Variants in MANBA observed in about 807,000 individuals in gnomAD.
The protein encoded by MANBA is beta-mannosidase.
In MANBA, 83 loss-of-function variants were observed where a neutral mutation model predicts 111.1. That is an observed-to-expected ratio of 0.75 (90% CI 0.63 to 0.90). The LOEUF is 0.90. MANBA is among the 40% of genes least tolerant of loss of function. MANBA has a pLI of 0.00. For synonymous variants in MANBA, 370 were observed against 378.7 expected (o/e 0.98, Z 0.27); for missense variants, 1,036 against 1,069.0 (o/e 0.97, Z 0.43).
chr4:102,755,276 T>C lies in MANBA; in HGVS notation c.177+5442A>G, dbSNP rs1420729742. ...TGGTACTGGTACCAAAATAGAGATA[T>C]AGACCAATGGAACAGAACAGAGCCC... On this transcript the variant is annotated intron_variant, in intron 1 of 16. Transcript: ENST00000647097. 2.0e-5 allele frequency among the ~76,000 whole-genome samples: 3 copies of C among 152,074 alleles called. 1 individual carries two copies. Among genetic ancestry groups the C allele is most frequent in the Admixed American group, 2.0e-4 (3 of 15,274 alleles).
At chr4:102,740,986 G>T (rs1201597150) in intron 1 of MANBA, among the ~76,000 whole-genome samples, 4 of 152,106 alleles carry the variant, frequency 2.6e-5, no homozygotes, top group Non-Finnish European at 5.9e-5. Flanking sequence ...CACAGAAAAA[G>T]AAATAATCAG....
chr4:102,752,802 G>T (rs1336922593), intron 1 of MANBA, among the ~76,000 whole-genome samples: 1 of 151,956 alleles, frequency 6.6e-6, no homozygotes, highest in African/African-American at 2.4e-5. Flanking sequence ...TTCTTATTTT[G>T]TATTTATAAT....
chr4:102,647,704 G>A (rs1390529972), intron 13 of MANBA, among the ~76,000 whole-genome samples: 1 of 151,992 alleles, frequency 6.6e-6, no homozygotes, highest in African/African-American at 2.4e-5. Flanking sequence ...TTGTGTTCTG[G>A]TAAGTTCATG....
At chr4:102,663,363 A>C (rs1731055816) in intron 11 of MANBA, among the ~76,000 whole-genome samples, 1 of 152,210 alleles carries the variant, frequency 6.6e-6, no homozygotes, top group South Asian at 2.1e-4. Flanking sequence ...AGGATTTCAA[A>C]GCCTGCATAC....
intron 14 of MANBA, 87 bp from the exon 15 acceptor site, chr4:102,636,094 G>C: frequency 2.4e-6 from 3 of 1,236,376 alleles, no homozygotes; most frequent in Non-Finnish European, 3.5e-6. Context: ...GTGGCTCATC[G>C]GGGTTCTAAG....
At chr4:102,665,060 C>G in intron 10 of MANBA, 1 of 561,454 alleles carries the variant, frequency 1.8e-6, no homozygotes, top group Non-Finnish European at 3.2e-6. Flanking sequence ...TTTATAAACA[C>G]TGATACATAG....
At chr4:102,667,682 T>C (rs1313591553) in intron 10 of MANBA, 1 of 152,220 alleles carries the variant, frequency 6.6e-6, no homozygotes, top group East Asian at 1.9e-4. Flanking sequence ...GTGACCTCCC[T>C]AAGGTTGCAG....
intron 7 of MANBA, among the ~76,000 whole-genome samples, chr4:102,685,417 G>A (rs913928993): frequency 3.9e-5 from 6 of 152,084 alleles, no homozygotes; most frequent in Non-Finnish European, 5.9e-5. Context: ...CTTATAGAAA[G>A]AAAATATACT....
chr4:102,728,349 T>C (rs902186414), intron 1 of MANBA: 2 of 532,262 alleles, frequency 3.8e-6, no homozygotes, highest in African/African-American at 3.9e-5. Flanking sequence ...CTGTTCACTC[T>C]CTGCAGGCTT....
intron 1 of MANBA, chr4:102,730,387 G>A (rs1722987938): frequency 2.0e-6 from 1 of 494,770 alleles, no homozygotes; most frequent in Non-Finnish European, 3.7e-6. Context: ...AGTGTAGCAA[G>A]TCGGCAACCT....
chr4:102,650,729 A>G lies in MANBA; in HGVS notation c.1705-28T>C. On this transcript the variant is annotated intron_variant, in intron 12 of 16. Coordinates refer to ENST00000647097, the MANE Select transcript of MANBA (RefSeq NM_005908.4). ...TTCAAATAAAGAATAAGAATTAGAA[A>G]TCTGAAAGTTGGCAGTAAAACTACT... 3 of 1,594,092 alleles carry G rather than the reference A, an allele frequency of 1.9e-6. 1 individual carries two copies. The highest frequency in any genetic ancestry group is 2.6e-6 in the Non-Finnish European group (3 of 1,162,368).
intron 5 of MANBA, among the ~76,000 whole-genome samples, chr4:102,701,679 A>C (rs1236466250): frequency 6.6e-6 from 1 of 151,882 alleles, no homozygotes; most frequent in Non-Finnish European, 1.5e-5. Context: ...AGAATGTTGA[A>C]TATTGGCCCC....
chr4:102,751,422 T>A (rs1723787630), intron 1 of MANBA: 1 of 481,792 alleles, frequency 2.1e-6, no homozygotes, highest in African/African-American at 2.0e-5. Context: ...CCAAACACAT[T>A]TCTACACCGA....
intron 10 of MANBA, chr4:102,665,436 G>C (rs1731174937): frequency 6.5e-6 from 1 of 153,220 alleles, no homozygotes. Context: ...ATACTCTAAA[G>C]GAAAACAGAT....
At chr4:102,650,806 C>A in intron 12 of MANBA, 105 bp from the exon 13 acceptor site, 1 of 883,966 alleles carries the variant, frequency 1.1e-6, no homozygotes, top group Non-Finnish European at 1.8e-6. Flanking sequence ...CTAGAGAAGA[C>A]CTTGAGGTTT....
chr4:102,671,750 A>G (rs938112676), intron 8 of MANBA: 1 of 420,804 alleles, frequency 2.4e-6, no homozygotes, highest in Non-Finnish European at 4.1e-6. Context: ...ATAAAACAAA[A>G]TCAAGACTTG....
chr4:102,747,773 A>G (rs1408900862), intron 1 of MANBA, among the ~76,000 whole-genome samples: 1 of 152,204 alleles, frequency 6.6e-6, no homozygotes, highest in Non-Finnish European at 1.5e-5. Flanking sequence ...ACATAGCTCT[A>G]AGTGAAAAAA....
intron 1 of MANBA, among the ~76,000 whole-genome samples, chr4:102,732,941 C>T (rs1353282984): frequency 6.6e-6 from 1 of 152,192 alleles, no homozygotes; most frequent in East Asian, 1.9e-4. Flanking sequence ...AGCCCGGGGG[C>T]TGGCTGATGA....
chr4:102,714,065 T>A (rs991125782), intron 5 of MANBA, among the ~76,000 whole-genome samples: 11 of 152,108 alleles, frequency 7.2e-5, no homozygotes, highest in African/African-American at 2.7e-4. Context: ...AAAGCCAGTC[T>A]AACGGTGTGA....
Sources: allele counts gnomAD v4.1 joint callset (sites outside exome capture counted in the v4.1 genomes callset), GRCh38; gene constraint gnomAD v4.1.1; transcripts MANE v1.5; gene names NCBI Gene and HGNC (gene_info 2026-07-23, HGNC 2026-07-21).